WDR33: variants seen among roughly 807,000 people sequenced by gnomAD.
WDR33 encodes pre-mRNA 3' end processing protein WDR33.
A neutral mutation model predicts 164.9 loss-of-function variants in WDR33; 47 were observed. The ratio of observed to expected loss-of-function variants is 0.29; its 90% CI spans 0.23 to 0.36. The LOEUF (loss-of-function observed/expected upper bound fraction) is 0.36, where lower values mean the gene tolerates loss of function less well. WDR33 is among the 10% of genes least tolerant of loss of function. The pLI is 1.00. For synonymous variants in WDR33, 505 were observed against 589.0 expected, an observed-to-expected ratio of 0.86 and a Z score of 2.06; for missense variants, 1,137 against 1,754.1, an observed-to-expected ratio of 0.65 and a Z score of 6.28.
chr2:127,701,730 C>T lies in WDR33; in HGVS notation c.*4593G>A. 1 of 1,390,896 alleles carries T rather than the reference C, an allele frequency of 7.2e-7. No individual in the cohort carries two copies. 86.2% of individuals were successfully genotyped at this position (1,390,896 alleles called of 1,614,324 possible). On this transcript the variant is annotated 3_prime_UTR_variant, in exon 22 of 22. Coordinates refer to ENST00000322313, the MANE Select transcript of WDR33 (RefSeq NM_018383.5). ...GTCGGCAGCGGCCGGCCTGACGTGCCTCCCGAGCGTGACGCGCGGGCAGCG... is the reference window on the plus strand; with the variant it reads ...GTCGGCAGCGGCCGGCCTGACGTGCTTCCCGAGCGTGACGCGCGGGCAGCG...
chr2:127,786,637 T>C (rs904579709), intron 1 of WDR33, among the ~76,000 whole-genome samples: 50 of 152,180 alleles, frequency 3.3e-4, no homozygotes, highest in South Asian at 2.1e-4. Flanking sequence ...TGAGCCAAGA[T>C]TGCGTCACTG....
chr2:127,732,431 C>G (rs1359778807), intron 7 of WDR33, among the ~76,000 whole-genome samples: 1 of 152,050 alleles, frequency 6.6e-6, no homozygotes, highest in East Asian at 1.9e-4. Flanking sequence ...AAATAATCCT[C>G]CTACCTCAGC....
At chr2:127,797,645 GTTGT>G (rs778245457) in intron 1 of WDR33, among the ~76,000 whole-genome samples, 26 of 152,194 alleles carry the variant, frequency 1.7e-4, no homozygotes, top group Non-Finnish European at 2.8e-4. Flanking sequence ...TCTCTCCAGT[GTTGT>G]TTATCTTCAA....
chr2:127,796,734 C>T (rs948095520), intron 1 of WDR33, among the ~76,000 whole-genome samples: 1 of 151,994 alleles, frequency 6.6e-6, no homozygotes, highest in African/African-American at 2.4e-5. Context: ...TTGTATACTG[C>T]CTTCAGGGAA....
At chr2:127,780,427 G>A (rs780567414) in intron 1 of WDR33, among the ~76,000 whole-genome samples, 7 of 152,032 alleles carry the variant, frequency 4.6e-5, no homozygotes, top group African/African-American at 9.7e-5. Context: ...CTTCATGAGC[G>A]GCAGGCTAGA....
At chr2:127,749,228 C>T (rs57913162) in intron 7 of WDR33, among the ~76,000 whole-genome samples, 11,559 of 152,266 alleles carry the variant, frequency 0.076, 460 homozygotes, top group Non-Finnish European at 0.092. Flanking sequence ...GTCCCAGCTA[C>T]TCAGAAAGCT....
At chr2:127,779,679 A>C (rs544860594) in intron 1 of WDR33, among the ~76,000 whole-genome samples, 2 of 152,254 alleles carry the variant, frequency 1.3e-5, no homozygotes, top group East Asian at 3.9e-4. Context: ...TTTTCTGTTT[A>C]TTATCACCTA....
Position 127,763,520 on chromosome 2 carries a change from T to G in WDR33, c.627-361A>C, listed in dbSNP as rs1280868186. The stretch of plus-strand genomic sequence containing the variant: ...CTATTTTTGCAGTATTCCTGCAGTC[T>G]TTTAAATCACACACGAATACTGCTC... On this transcript the variant is annotated intron_variant, in intron 6 of 21. Coordinates refer to ENST00000322313, the MANE Select transcript of WDR33 (RefSeq NM_018383.5). This position sits in a 1 kb window ranked among gnomAD's most constrained non-coding sequence, Gnocchi z 4.5. 1 of 1,049,996 alleles carries G rather than the reference T, an allele frequency of 9.5e-7. No homozygotes were observed. Among genetic ancestry groups the G allele is most frequent in the African/African-American group, 1.7e-5 (1 of 59,052 alleles). 65.0% of individuals were successfully genotyped at this position (1,049,996 alleles called of 1,614,324 possible).
intron 1 of WDR33, among the ~76,000 whole-genome samples, chr2:127,794,540 A>G (rs575961246): frequency 6.8e-6 from 1 of 146,122 alleles, no homozygotes; most frequent in South Asian, 2.2e-4. Context: ...AGACAAAGAC[A>G]AGACGAAAGA....
At chr2:127,749,969 C>A (rs1687270337) in intron 7 of WDR33, among the ~76,000 whole-genome samples, 1 of 151,376 alleles carries the variant, frequency 6.6e-6, no homozygotes, top group African/African-American at 2.4e-5. Context: ...TTTCTAATAT[C>A]TGCTTCTTCT....
Position 127,720,404 on chromosome 2 carries a change from TG to T in WDR33, c.1672-52del, listed in dbSNP as rs1466511936. Reference sequence around the variant, plus strand: ...TGTTGAATAAACAGGCCAGAGCCCTTGAAGATGACAATATTGCTATCATGTA... The same window carrying T: ...TGTTGAATAAACAGGCCAGAGCCCTTAAGATGACAATATTGCTATCATGTA... On this transcript the variant is annotated intron_variant, in intron 15 of 21. Coordinates refer to ENST00000322313, the MANE Select transcript of WDR33 (RefSeq NM_018383.5). The surrounding 1 kb of genome is among the most constrained non-coding windows in gnomAD (Gnocchi z 5.9). The T allele has an allele frequency of 6.7e-7, 1 of 1,485,004 alleles. No individual in the cohort carries two copies. Among genetic ancestry groups the T allele is most frequent in the Non-Finnish European group, 8.9e-7 (1 of 1,119,908 alleles). The allele number at this position is 1,485,004 out of a possible 1,614,324, so 92.0% of individuals were successfully genotyped here.
At chr2:127,757,262 T>C (rs931336198) in intron 7 of WDR33, among the ~76,000 whole-genome samples, 6 of 152,138 alleles carry the variant, frequency 3.9e-5, no homozygotes, top group Non-Finnish European at 8.8e-5. Context: ...AGCATAGCGA[T>C]TAAAAGAACA....
At chr2:127,798,591 C>A (rs1689125941) in intron 1 of WDR33, among the ~76,000 whole-genome samples, 1 of 151,900 alleles carries the variant, frequency 6.6e-6, no homozygotes, top group Non-Finnish European at 1.5e-5. Context: ...GACCTAAAAG[C>A]CTAACCAGTT....
intron 1 of WDR33, among the ~76,000 whole-genome samples, chr2:127,798,527 A>T (rs1190013644): frequency 1.3e-5 from 2 of 152,098 alleles, no homozygotes; most frequent in African/African-American, 4.8e-5. Flanking sequence ...AGCTTTTATG[A>T]GCCTCTTGAT....
rs1573899283 is a variant in WDR33 at position 127,735,060 on chromosome 2, T to C, written c.725-8283A>G. Among the ~76,000 whole-genome samples the C allele has an allele frequency of 6.6e-6, 1 of 152,240 alleles. No individual in the cohort carries two copies. Among genetic ancestry groups the C allele is most frequent in the Non-Finnish European group, 1.5e-5 (1 of 68,042 alleles). On this transcript the variant is annotated intron_variant, in intron 7 of 21. Coordinates refer to ENST00000322313, the MANE Select transcript of WDR33 (RefSeq NM_018383.5). The surrounding 1 kb of genome is among the most constrained non-coding windows in gnomAD (Gnocchi z 4.3). ...TTAGATATTTGGTGAACAGACATTC[T>C]AGACTTGCTTTGTAGATAGTGAAGA...
chr2:127,778,634 G>A (rs935703850), intron 1 of WDR33, among the ~76,000 whole-genome samples: 6 of 152,004 alleles, frequency 3.9e-5, no homozygotes, highest in African/African-American at 1.5e-4. Context: ...CTGTGTGAGA[G>A]GCACTATTAC....
intron 7 of WDR33, among the ~76,000 whole-genome samples, chr2:127,734,630 C>T (rs910854869): frequency 1.3e-5 from 2 of 152,300 alleles, no homozygotes; most frequent in African/African-American, 4.8e-5. Flanking sequence ...GTTTATTGAG[C>T]TCCTGTTATT....
At chr2:127,766,149 A>T (rs939077253) in intron 4 of WDR33, among the ~76,000 whole-genome samples, 1 of 152,052 alleles carries the variant, frequency 6.6e-6, no homozygotes, top group Non-Finnish European at 1.5e-5. Context: ...AAACATTCAA[A>T]TTTTTTGTTT....
At chr2:127,750,650 TAAAAAAAAAAAAAAA>T (rs1174539929) in intron 7 of WDR33, among the ~76,000 whole-genome samples, 3 of 14,958 alleles carry the variant, frequency 2.0e-4, no homozygotes, top group African/African-American at 8.2e-4. Flanking sequence ...AACTCCATCT[TAAAAAAAAAAAAAAA>T]AAAAAAAAAA....
Sources: gnomAD v4.1 joint callset for allele counts (sites outside exome capture counted in the v4.1 genomes callset) on GRCh38, gnomAD v4.1.1 for gene constraint, Gnocchi (gnomAD v3.1) non-coding constraint, MANE v1.5 for transcripts, NCBI Gene and HGNC (gene_info 2026-07-23, HGNC 2026-07-21) for gene names.